Variants in FHIT observed in about 807,000 individuals in gnomAD.
FHIT encodes bis(5'-adenosyl)-triphosphatase.
A neutral mutation model predicts 17.9 loss-of-function variants in FHIT; 19 were observed. The observed-to-expected ratio is 1.06, with a 90% CI of 0.74 to 1.56. The LOEUF is 1.56. Among genes scored for constraint, FHIT ranks in the 40% most tolerant of loss-of-function variants. The probability of loss-of-function intolerance (pLI) is 0.00; values close to 1 mark genes in which losing one functional copy is unlikely to be tolerated. For synonymous variants in FHIT, 81 were observed against 69.7 expected (o/e 1.16, Z -0.81); for missense variants, 248 against 189.2 (o/e 1.31, Z -1.82).
At chr3:60,780,693 G>C (rs781892167) in intron 4 of FHIT, among the ~76,000 whole-genome samples, 1 of 152,142 alleles carries the variant, frequency 6.6e-6, no homozygotes, top group Non-Finnish European at 1.5e-5. Flanking sequence ...GTTAAGGTCA[G>C]TCTTCATCCT....
Position 61,007,109 on chromosome 3 carries a change from G to A in FHIT, c.-111+34938C>T, listed in dbSNP as rs116350485. Among the ~76,000 whole-genome samples, 444 of 152,246 alleles carry A rather than the reference G, an allele frequency of 2.9e-3. 6 individuals are homozygous for A. Among genetic ancestry groups the A allele is most frequent in the African/African-American group, 9.9e-3 (413 of 41,530 alleles). On this transcript the variant is annotated intron_variant, in intron 3 of 9. Transcript: ENST00000492590. The stretch of plus-strand genomic sequence containing the variant: ...GTTCATCCAAACAGATAAAAAGTTG[G>A]AATTATAACTGGGCCAATGAAATGT...
intron 3 of FHIT, among the ~76,000 whole-genome samples, chr3:61,023,511 C>A (rs1482778235): frequency 2.6e-5 from 4 of 151,890 alleles, no homozygotes; most frequent in African/African-American, 9.7e-5. Context: ...CAAATGAAAC[C>A]AAAAAAGAGC....
In FHIT at chr3:60,916,281, T is replaced by C. The variant is rs543026044; in HGVS notation, c.-110-94270A>G. 3.3e-5 allele frequency among the ~76,000 whole-genome samples: 5 copies of C among 152,326 alleles called. No individual in the cohort carries two copies. In the South Asian group the frequency reaches 8.3e-4, roughly 25 times the overall value. ...TAGTTCTAAAATAAATTACTAGAAA[T>C]GGAACTGCTAGGTCAAAAGGTATAT... is the stretch of plus-strand genomic sequence containing the variant. On this transcript the variant is annotated intron_variant, in intron 3 of 9. Coordinates refer to ENST00000492590, the MANE Select transcript of FHIT (RefSeq NM_002012.4).
intron 5 of FHIT, among the ~76,000 whole-genome samples, chr3:60,378,423 G>A (rs528386053): frequency 6.6e-6 from 1 of 152,324 alleles, no homozygotes; most frequent in African/African-American, 2.4e-5. Flanking sequence ...CTGCCTTGCA[G>A]ATAGAGCTTA....
chr3:60,053,398 C>T (rs570446408), intron 5 of FHIT, among the ~76,000 whole-genome samples: 16 of 148,786 alleles, frequency 1.1e-4, no homozygotes, highest in East Asian at 5.9e-4. Context: ...CTGTCACATA[C>T]GAGATACTCA....
At chr3:60,849,427 T>C (rs1703051666) in intron 3 of FHIT, among the ~76,000 whole-genome samples, 1 of 129,904 alleles carries the variant, frequency 7.7e-6, no homozygotes, top group South Asian at 2.5e-4. Flanking sequence ...GGACTTTTGT[T>C]AATACAAAAA....
chr3:60,534,455 AAAAAAAAAG>A lies in FHIT; in HGVS notation c.103+2396_103+2404del, dbSNP rs1476281188. Among the ~76,000 whole-genome samples the A allele has an allele frequency of 3.3e-3, 480 of 143,320 alleles. 7 individuals are homozygous for A. Among genetic ancestry groups the A allele is most frequent in the African/African-American group, 0.011 (437 of 39,058 alleles). The allele number at this position is 143,320 out of a possible 152,430, so 94.0% of individuals were successfully genotyped here. On this transcript the variant is annotated intron_variant, in intron 5 of 9. Transcript: ENST00000492590. ...ACTCCGTCTCAAAAAAAAAAAAAAA[AAAAAAAAAG>A]ATGCGTCTCCCAGTTGTAACATGGC...
chr3:60,521,490 G>T (rs151746), intron 5 of FHIT, among the ~76,000 whole-genome samples: 1 of 151,946 alleles, frequency 6.6e-6, no homozygotes, highest in Non-Finnish European at 1.5e-5. Flanking sequence ...TTCGTGATCC[G>T]CCCACCTCGG....
intron 5 of FHIT, among the ~76,000 whole-genome samples, chr3:60,126,353 G>A (rs1173541363): frequency 4.6e-5 from 7 of 152,080 alleles, no homozygotes; most frequent in Non-Finnish European, 2.9e-5. Flanking sequence ...TCTCTGGAGC[G>A]CAGCCTCAGT....
chr3:60,386,139 G>C lies in FHIT; in HGVS notation c.103+150721C>G, dbSNP rs182492842. 1.6e-3 allele frequency among the ~76,000 whole-genome samples: 245 copies of C among 152,158 alleles called. 2 individuals are homozygous for C. Among genetic ancestry groups the C allele is most frequent in the Non-Finnish European group, 8.8e-4 (60 of 68,000 alleles). Reference sequence around the variant, plus strand: ...TGGCAGAACCAAGATTTCAAGATTTGAGCCCCGGCAGTGTGGTTCCATAGA... The same window carrying C: ...TGGCAGAACCAAGATTTCAAGATTTCAGCCCCGGCAGTGTGGTTCCATAGA... On this transcript the variant is annotated intron_variant, in intron 5 of 9. Transcript: ENST00000492590.
intron 8 of FHIT, among the ~76,000 whole-genome samples, chr3:59,809,442 TG>T (rs35734112): frequency 6.6e-6 from 1 of 152,218 alleles, no homozygotes; most frequent in Non-Finnish European, 1.5e-5. Context: ...CATCTTGAAC[TG>T]GGAGGGAATG....
intron 1 of FHIT, among the ~76,000 whole-genome samples, chr3:61,211,961 G>C (rs1290682504): frequency 6.6e-6 from 1 of 152,132 alleles, no homozygotes; most frequent in African/African-American, 2.4e-5. Flanking sequence ...CTCGTAGAAG[G>C]AAAACTAACA....
intron 5 of FHIT, among the ~76,000 whole-genome samples, chr3:60,082,972 G>C (rs915992130): frequency 1.2e-4 from 19 of 152,042 alleles, no homozygotes; most frequent in African/African-American, 1.9e-4. Flanking sequence ...TCTTCGATTA[G>C]GCCCTACTTG....
intron 8 of FHIT, among the ~76,000 whole-genome samples, chr3:59,880,976 G>C (rs1703384964): frequency 6.6e-6 from 1 of 152,162 alleles, no homozygotes; most frequent in Non-Finnish European, 1.5e-5. Context: ...ACTTGGAATA[G>C]CAGTGCTATT....
intron 5 of FHIT, among the ~76,000 whole-genome samples, chr3:60,074,304 G>T (rs1702911259): frequency 6.6e-6 from 1 of 152,028 alleles, no homozygotes; most frequent in Admixed American, 6.6e-5. Flanking sequence ...TGGAACAAAG[G>T]TTGGAAGTTT....
chr3:60,366,941 T>C (rs1339248435), intron 5 of FHIT, among the ~76,000 whole-genome samples: 2 of 152,204 alleles, frequency 1.3e-5, no homozygotes, highest in East Asian at 1.9e-4. Context: ...GTTGAGGCTA[T>C]ACCTATGCTA....
intron 5 of FHIT, among the ~76,000 whole-genome samples, chr3:60,378,061 C>G (rs1412705038): frequency 1.3e-5 from 2 of 152,062 alleles, no homozygotes; most frequent in African/African-American, 4.8e-5. Context: ...GAGTCTCACC[C>G]TGTCTCCCAG....
At chr3:60,255,464 G>A (rs1180172666) in intron 5 of FHIT, among the ~76,000 whole-genome samples, 2 of 152,056 alleles carry the variant, frequency 1.3e-5, no homozygotes, top group Non-Finnish European at 2.9e-5. Context: ...ATAGGGAGTA[G>A]TGGGAACTGC....
At chr3:60,515,205 G>A (rs1284574901) in intron 5 of FHIT, among the ~76,000 whole-genome samples, 1 of 152,144 alleles carries the variant, frequency 6.6e-6, no homozygotes, top group Admixed American at 6.5e-5. Flanking sequence ...CGGAAGCTGG[G>A]AAGAAAACCA....
Sources: allele counts gnomAD v4.1 joint callset (sites outside exome capture counted in the v4.1 genomes callset), GRCh38; gene constraint gnomAD v4.1.1; transcripts MANE v1.5; gene names NCBI Gene and HGNC (gene_info 2026-07-23, HGNC 2026-07-21).